Variants in SIRPD observed in about 807,000 individuals in gnomAD.
The protein encoded by SIRPD is signal regulatory protein delta.
Under a neutral mutation model 18.0 loss-of-function variants are expected in SIRPD, and 21 were observed. The ratio of observed to expected loss-of-function variants is 1.17; its 90% confidence interval spans 0.83 to 1.68. SIRPD has a LOEUF of 1.68. Among genes scored for constraint, SIRPD ranks in the 40% most tolerant of loss-of-function variants. The pLI, the probability that SIRPD is intolerant of heterozygous loss-of-function variation, is 0.00. For synonymous variants in SIRPD, 106 were observed against 92.9 expected (o/e 1.14, Z -0.81); for missense variants, 295 against 238.4 (o/e 1.24, Z -1.56).
At position 1,534,511 on chromosome 20, in the gene SIRPD, T is replaced by C; in HGVS notation, c.578-70A>G. The C allele has an allele frequency of 2.8e-6, 4 of 1,453,082 alleles. 1 individual carries two copies. The South Asian group carries it at 4.8e-5, about 17-fold the overall frequency. 90.0% of individuals were successfully genotyped at this position (1,453,082 alleles called of 1,614,324 possible). On this transcript the variant is annotated intron_variant, in intron 3 of 3. Coordinates refer to ENST00000381623, the MANE Select transcript of SIRPD (RefSeq NM_178460.3). The stretch of plus-strand genomic sequence containing the variant: ...CTGCAAGCTAAGAGCAGACACAATT[T>C]TTAGAATATTAGCTTAGCAAACATG...
intron 2 of SIRPD, among the ~76,000 whole-genome samples, chr20:1,549,879 G>A (rs559480660): frequency 5.9e-5 from 9 of 152,124 alleles, no homozygotes; most frequent in African/African-American, 2.2e-4. Flanking sequence ...CGAATACATA[G>A]CTAAGTATTT....
At chr20:1,557,223 A>G (rs1211910380) in intron 1 of SIRPD, among the ~76,000 whole-genome samples, 2 of 152,178 alleles carry the variant, frequency 1.3e-5, no homozygotes, top group Non-Finnish European at 2.9e-5. Context: ...ACTGCACTCC[A>G]GCCTAGGTGA....
chr20:1,546,755 CTGATTTT>C (rs2090995403), intron 2 of SIRPD, among the ~76,000 whole-genome samples: 1 of 152,128 alleles, frequency 6.6e-6, no homozygotes, highest in Admixed American at 6.5e-5. Context: ...CATTTGTTAT[CTGATTTT>C]TGATTTTAGC....
At position 1,552,000 on chromosome 20, in the gene SIRPD, A is replaced by G; in HGVS notation, c.112T>C (p.Ser38Pro). 6.2e-7 allele frequency: 1 copy of G among 1,614,040 alleles called. No individual in the cohort carries two copies. The highest frequency in any genetic ancestry group is 8.5e-7 in the Non-Finnish European group (1 of 1,179,952). Residue 38 changes from serine to proline, a missense_variant, in exon 2 of 4, where the codon TCA becomes CCA. Ser to Pro is a moderately conservative substitution (Grantham distance 74). Coordinates refer to ENST00000381623, the MANE Select transcript of SIRPD (RefSeq NM_178460.3). ...GACTCCCCAGTTGATACAGTCTGTG[A>G]CATCTCCGTTTGTTGCACATGGAAC... Reference protein sequence around the residue: ...HVFHVQQTEMSQTVSTGESII... With the variant: ...HVFHVQQTEMPQTVSTGESII...
At chr20:1,538,803 A>G (rs1341362978) in intron 2 of SIRPD, among the ~76,000 whole-genome samples, 1 of 152,262 alleles carries the variant, frequency 6.6e-6, no homozygotes, top group Non-Finnish European at 1.5e-5. Flanking sequence ...CAGATGACCC[A>G]GCAGTTGAGT....
At chr20:1,557,035 T>C (rs921969675) in intron 1 of SIRPD, among the ~76,000 whole-genome samples, 9 of 152,142 alleles carry the variant, frequency 5.9e-5, no homozygotes, top group Non-Finnish European at 1.2e-4. Flanking sequence ...GGTGGAACTC[T>C]TGAGCTCATA....
At chr20:1,541,488 T>A (rs919877185) in intron 2 of SIRPD, among the ~76,000 whole-genome samples, 1 of 152,246 alleles carries the variant, frequency 6.6e-6, no homozygotes, top group Non-Finnish European at 1.5e-5. Flanking sequence ...TGGGGTTGCT[T>A]GTTTTTTTCT....
chr20:1,546,235 C>CG, intron 2 of SIRPD, among the ~76,000 whole-genome samples: 1 of 152,338 alleles, frequency 6.6e-6, no homozygotes. Context: ...CCCTTCCCCC[C>CG]GGTGCTCTGT....
chr20:1,542,896 T>A (rs1413986873), intron 2 of SIRPD, among the ~76,000 whole-genome samples: 2 of 152,216 alleles, frequency 1.3e-5, no homozygotes, highest in Non-Finnish European at 2.9e-5. Flanking sequence ...TAATTGTGGT[T>A]TTTGTCATTG....
intron 2 of SIRPD, among the ~76,000 whole-genome samples, chr20:1,549,176 C>T (rs960083477): frequency 9.2e-5 from 14 of 151,948 alleles, no homozygotes; most frequent in African/African-American, 3.4e-4. Flanking sequence ...AATAAAATTT[C>T]CATTTGGTTC....
chr20:1,548,688 T>C (rs1439984145), intron 2 of SIRPD, among the ~76,000 whole-genome samples: 2 of 152,152 alleles, frequency 1.3e-5, no homozygotes, highest in Non-Finnish European at 2.9e-5. Context: ...CCAGTTTTGG[T>C]AATTTTTATG....
chr20:1,544,476 C>T (rs2090985302), intron 2 of SIRPD, among the ~76,000 whole-genome samples: 2 of 142,856 alleles, frequency 1.4e-5, no homozygotes, highest in Non-Finnish European at 1.5e-5. Flanking sequence ...CTTGGTAGAT[C>T]TTCCTCCATC....
At position 1,551,798 on chromosome 20, in the gene SIRPD, C is replaced by T. The variant is rs200268691; in HGVS notation, c.314G>A (p.Arg105His). The change falls in exon 2 of 4, where the codon CGT (arginine) becomes CAT (histidine). Residue 105 changes from arginine to histidine, a missense_variant. By Grantham distance (29) the Arg-to-His change is conservative (BLOSUM62 0). Coordinates refer to ENST00000381623, the MANE Select transcript of SIRPD (RefSeq NM_178460.3). ...PGNTDFSTRIREISLADAGTY... is the reference protein window; with the variant it reads ...PGNTDFSTRIHEISLADAGTY... ...GCCAGCATCAGCAAGAGAGATTTCACGGATGCGGGTGGAAAAGTCTGTGTT... is the reference window on the plus strand; with the variant it reads ...GCCAGCATCAGCAAGAGAGATTTCATGGATGCGGGTGGAAAAGTCTGTGTT... The T allele has an allele frequency of 3.5e-5, 56 of 1,614,054 alleles. No individual in the cohort carries two copies. The highest frequency in any genetic ancestry group is 6.7e-5 in the Admixed American group (4 of 60,006).
In SIRPD at chr20:1,534,341, A is replaced by C; in HGVS notation, c.*84T>G. The C allele has an allele frequency of 1.9e-6, 3 of 1,577,412 alleles. No homozygotes were observed. Among genetic ancestry groups the C allele is most frequent in the Non-Finnish European group, 2.6e-6 (3 of 1,161,634 alleles). The stretch of plus-strand genomic sequence containing the variant: ...AGCTCTCTTGAAGAAGGCAAATGAA[A>C]CTCCTAAAAAGTAGCTGTCTCCAGG... On this transcript the variant is annotated 3_prime_UTR_variant, in exon 4 of 4. Transcript: ENST00000381623.
At chr20:1,545,688 G>A (rs1416661434) in intron 2 of SIRPD, among the ~76,000 whole-genome samples, 2 of 152,186 alleles carry the variant, frequency 1.3e-5, no homozygotes, top group African/African-American at 4.8e-5. Context: ...CTTTGGAGGA[G>A]AAGAGACATT....
intron 1 of SIRPD, among the ~76,000 whole-genome samples, chr20:1,556,602 G>A (rs910474749): frequency 2.0e-4 from 31 of 152,336 alleles, no homozygotes; most frequent in African/African-American, 7.5e-4. Flanking sequence ...ATTGAGGTGG[G>A]TGCTAATCCA....
chr20:1,550,307 A>T (rs1282428880), intron 2 of SIRPD, among the ~76,000 whole-genome samples: 1 of 152,248 alleles, frequency 6.6e-6, no homozygotes, highest in African/African-American at 2.4e-5. Context: ...TAAAATGTTG[A>T]CAACATGGCA....
intron 3 of SIRPD, among the ~76,000 whole-genome samples, chr20:1,536,391 C>G (rs913853794): frequency 8.4e-6 from 1 of 118,618 alleles, no homozygotes; most frequent in East Asian, 2.4e-4. Context: ...GCATTTGAAC[C>G]CCGGCCTGTC....
chr20:1,542,907 G>T, intron 2 of SIRPD, among the ~76,000 whole-genome samples: 1 of 152,136 alleles, frequency 6.6e-6, no homozygotes, highest in Admixed American at 6.6e-5. Flanking sequence ...TTTGTCATTG[G>T]TTCTGTTTAT....
Sources: gnomAD v4.1 joint callset for allele counts (sites outside exome capture counted in the v4.1 genomes callset) on GRCh38, gnomAD v4.1.1 for gene constraint, MANE v1.5 for transcripts, NCBI Gene and HGNC (gene_info 2026-07-23, HGNC 2026-07-21) for gene names.